CHD7: variants seen among roughly 807,000 people sequenced by gnomAD.
CHD7 encodes chromodomain helicase DNA binding protein 7.
Under a neutral mutation model 307.3 loss-of-function variants are expected in CHD7, and 24 were observed. That is an observed-to-expected ratio of 0.08 (90% CI 0.06 to 0.11). The LOEUF is 0.11. CHD7 is among the 10% of genes least tolerant of loss of function. CHD7 has a pLI of 1.00. For synonymous variants in CHD7, 1,363 were observed against 1,349.9 expected (o/e 1.01, Z -0.21); for missense variants, 3,106 against 3,727.1 (o/e 0.83, Z 4.34).
chr8:60,815,108 A>G (rs541591496), intron 7 of CHD7, among the ~76,000 whole-genome samples: 12 of 152,316 alleles, frequency 7.9e-5, no homozygotes, highest in Non-Finnish European at 1.6e-4. Flanking sequence ...ATATCAGTTC[A>G]TAGCTATGTA....
chr8:60,726,870 A>G (rs140228082), intron 1 of CHD7, among the ~76,000 whole-genome samples: 23 of 152,266 alleles, frequency 1.5e-4, no homozygotes, highest in Middle Eastern at 3.4e-3. Flanking sequence ...TGTGTGTCCC[A>G]GGGGGTTCTG....
At chr8:60,680,113 C>G (rs1361558561) in intron 1 of CHD7, among the ~76,000 whole-genome samples, 1 of 151,782 alleles carries the variant, frequency 6.6e-6, no homozygotes, top group Non-Finnish European at 1.5e-5. Context: ...GCCCCCCAAC[C>G]CGCCGGGGGT....
At chr8:60,784,092 G>A (rs1273377534) in intron 3 of CHD7, among the ~76,000 whole-genome samples, 1 of 152,204 alleles carries the variant, frequency 6.6e-6, no homozygotes, top group African/African-American at 2.4e-5. Flanking sequence ...GATAACTAGA[G>A]TGCATACAAC....
chr8:60,757,004 C>T (rs1038866602), intron 2 of CHD7, among the ~76,000 whole-genome samples: 5 of 152,148 alleles, frequency 3.3e-5, no homozygotes, highest in South Asian at 2.1e-4. Flanking sequence ...TCTTTGAAAA[C>T]CAGAAAAGAG....
intron 1 of CHD7, among the ~76,000 whole-genome samples, chr8:60,704,318 A>G (rs989142612): frequency 6.6e-6 from 1 of 152,106 alleles, no homozygotes; most frequent in African/African-American, 2.4e-5. Flanking sequence ...CAGTGGGCCA[A>G]ATGACCACAC....
chr8:60,723,711 C>T (rs1366391722), intron 1 of CHD7, among the ~76,000 whole-genome samples: 1 of 152,164 alleles, frequency 6.6e-6, no homozygotes, highest in Admixed American at 6.5e-5. Flanking sequence ...TTTAGAATGC[C>T]ACCTTATTTG....
rs187886756 is a variant in CHD7 at position 60,708,811 on chromosome 8, C to G, written c.-175+29729C>G. Among the ~76,000 whole-genome samples the G allele has an allele frequency of 4.0e-3, 615 of 152,324 alleles. 4 individuals are homozygous for G. Among genetic ancestry groups the G allele is most frequent in the African/African-American group, 0.014 (567 of 41,578 alleles). ...TAAAGCCATTTCTGACTCTTTTCAA[C>G]CGAATGCAACTTCCTTACCTTATAT... On this transcript the variant is annotated intron_variant, in intron 1 of 37. Coordinates refer to ENST00000423902, the MANE Select transcript of CHD7 (RefSeq NM_017780.4).
intron 1 of CHD7, among the ~76,000 whole-genome samples, chr8:60,717,060 A>T (rs539873614): frequency 1.4e-5 from 2 of 142,834 alleles, no homozygotes; most frequent in East Asian, 4.1e-4. Context: ...TCCTGGAGTA[A>T]TGCATGAATG....
chr8:60,710,024 T>C (rs1807203190), intron 1 of CHD7, among the ~76,000 whole-genome samples: 1 of 152,134 alleles, frequency 6.6e-6, no homozygotes, highest in African/African-American at 2.4e-5. Flanking sequence ...TTAGTATTGC[T>C]TATAATACAA....
Position 60,856,183 on chromosome 8 carries a change from C to T in CHD7, c.7145C>T (p.Thr2382Met), listed in dbSNP as rs189926848. 1.8e-5 allele frequency: 29 copies of T among 1,593,716 alleles called. 1 individual carries two copies. In the East Asian group the frequency reaches 3.6e-4, roughly 20 times the overall value. Residue 2382 changes from threonine to methionine, a missense_variant, in exon 33 of 38, where the codon ACG becomes ATG. By Grantham distance (81) the Thr-to-Met change is moderately conservative. Around this residue, in one of 10 missense-constraint regions of CHD7, gnomAD observed 1,030 missense variants for 1,165.4 expected, o/e 0.88. Coordinates refer to ENST00000423902, the MANE Select transcript of CHD7 (RefSeq NM_017780.4). ...ASISGSEDITTSPQLSKEDAL... is the reference protein window; with the variant it reads ...ASISGSEDITMSPQLSKEDAL... Reference sequence around the variant, plus strand: ...ATTAGTGGGAGTGAGGACATCACTACGTCTCCTCAGTTGTCAAAGGTGAAT... The same window carrying T: ...ATTAGTGGGAGTGAGGACATCACTATGTCTCCTCAGTTGTCAAAGGTGAAT...
At chr8:60,818,428 C>T (rs555412763) in intron 8 of CHD7, among the ~76,000 whole-genome samples, 108 of 152,274 alleles carry the variant, frequency 7.1e-4, no homozygotes, top group Non-Finnish European at 1.4e-3. Context: ...AACAAGTTTT[C>T]CTAAAGAGAG....
At chr8:60,780,631 T>C (rs1001219794) in intron 2 of CHD7, among the ~76,000 whole-genome samples, 1 of 152,228 alleles carries the variant, frequency 6.6e-6, no homozygotes, top group Non-Finnish European at 1.5e-5. Context: ...CACATGGGGC[T>C]AGAACTCAAC....
intron 1 of CHD7, chr8:60,679,713 G>C (rs1470536358): frequency 6.8e-6 from 1 of 147,632 alleles, no homozygotes; most frequent in Non-Finnish European, 1.5e-5. Flanking sequence ...GCCGGGAGCT[G>C]CGGCCGCACC....
intron 1 of CHD7, among the ~76,000 whole-genome samples, chr8:60,689,057 T>C (rs948672263): frequency 6.6e-6 from 1 of 152,184 alleles, no homozygotes; most frequent in Non-Finnish European, 1.5e-5. Flanking sequence ...GGTAGCCTAC[T>C]TAGAATCTCA....
intron 23 of CHD7, among the ~76,000 whole-genome samples, chr8:60,846,232 CAACTAACTGCGT>C (rs1001216854): frequency 2.6e-5 from 4 of 152,212 alleles, no homozygotes; most frequent in Non-Finnish European, 5.9e-5. Flanking sequence ...ATCCCACTTT[CAACTAACTGCGT>C]ACAGTGGAGG....
At chr8:60,784,438 A>T (rs951372876) in intron 3 of CHD7, among the ~76,000 whole-genome samples, 3 of 152,216 alleles carry the variant, frequency 2.0e-5, no homozygotes, top group African/African-American at 7.2e-5. Flanking sequence ...ATGCCATATC[A>T]TTGCTGTGTT....
At chr8:60,747,159 C>T (rs1037691962) in intron 2 of CHD7, among the ~76,000 whole-genome samples, 3 of 152,174 alleles carry the variant, frequency 2.0e-5, no homozygotes, top group Admixed American at 6.5e-5. Context: ...TCACTGCAAC[C>T]TCCTTCTCCC....
chr8:60,852,464 A>G, intron 29 of CHD7, 34 bp from the exon 30 acceptor site: 1 of 1,565,720 alleles, frequency 6.4e-7, no homozygotes, highest in Non-Finnish European at 8.8e-7. Flanking sequence ...CTTTTCCTGA[A>G]GTATGATGCA....
chr8:60,816,468 G>A lies in CHD7; in HGVS notation c.2580G>A (p.Lys860=). The part of the protein sequence containing the change: ...KRIQQKIKRF[K]AKQGQNKFLS... The stretch of plus-strand genomic sequence containing the variant: ...TTCAGCAAAAAATTAAACGATTTAA[G>A]GCAAAGCAGGGCCAGAACAAGTTCC... Residue 860 remains lysine, a synonymous_variant, in exon 8 of 38, where the codon AAG becomes AAA. Coordinates refer to ENST00000423902, the MANE Select transcript of CHD7 (RefSeq NM_017780.4). The A allele has an allele frequency of 1.2e-6, 2 of 1,608,244 alleles. No homozygotes were observed. The highest frequency in any genetic ancestry group is 1.7e-6 in the Non-Finnish European group (2 of 1,176,690).
Sources: allele counts gnomAD v4.1 joint callset (sites outside exome capture counted in the v4.1 genomes callset), GRCh38; gene constraint gnomAD v4.1.1; regional missense constraint gnomAD v4.1.1; transcripts MANE v1.5; gene names NCBI Gene and HGNC (gene_info 2026-07-23, HGNC 2026-07-21).